GSE1: variants seen among roughly 807,000 people sequenced by gnomAD.
GSE1 encodes Gse1 coiled-coil protein.
Under a neutral mutation model 112.6 loss-of-function variants are expected in GSE1, and 32 were observed. The observed-to-expected ratio is 0.28, with a 90% CI of 0.21 to 0.38. GSE1 has a LOEUF of 0.38. GSE1 is among the 10% of genes least tolerant of loss of function. The probability of loss-of-function intolerance (pLI) is 1.00; values close to 1 mark genes in which losing one functional copy is unlikely to be tolerated. For synonymous variants in GSE1, 1,115 were observed against 735.6 expected (o/e 1.52, Z -8.35); for missense variants, 2,348 against 1,699.2 (o/e 1.38, Z -6.71).
intron 2 of GSE1, among the ~76,000 whole-genome samples, chr16:85,635,274 G>A (rs577352513): frequency 2.6e-5 from 4 of 152,276 alleles, no homozygotes; most frequent in Non-Finnish European, 5.9e-5. Flanking sequence ...GAGGCCCGTT[G>A]GGGTCTGGTT....
intron 1 of GSE1, among the ~76,000 whole-genome samples, chr16:85,205,810 G>C (rs2075104885): frequency 6.6e-6 from 1 of 152,230 alleles, no homozygotes; most frequent in Non-Finnish European, 1.5e-5. Context: ...TTTGAACTGA[G>C]CCCTGGATGA....
intron 1 of GSE1, among the ~76,000 whole-genome samples, chr16:85,315,438 G>C (rs1374455175): frequency 1.3e-5 from 2 of 152,176 alleles, no homozygotes; most frequent in African/African-American, 2.4e-5. Context: ...GGTCAGGACT[G>C]GGGATTGGCC....
chr16:85,546,874 G>A lies in GSE1; in HGVS notation c.2465-87040G>A, dbSNP rs550779656. Among the ~76,000 whole-genome samples, 80 of 152,350 alleles carry A rather than the reference G, an allele frequency of 5.3e-4. 1 individual carries two copies. The South Asian group carries it at 0.016, about 30-fold the overall frequency. ...GTGTGCCCAAGGCCAGCAGTTAGAG[G>A]TAGATCCTCAGGAAGGCTGGCGGGC... On this transcript the variant is annotated intron_variant, in intron 2 of 2. Transcript: ENST00000637419.
chr16:85,284,888 T>A (rs2044972044), intron 1 of GSE1: 1 of 152,098 alleles, frequency 6.6e-6, no homozygotes, highest in African/African-American at 2.4e-5. Context: ...GGTATTAGAG[T>A]AGGTCTGTAA....
intron 1 of GSE1, among the ~76,000 whole-genome samples, chr16:85,270,829 G>C (rs555955894): frequency 6.6e-6 from 1 of 152,314 alleles, no homozygotes; most frequent in Admixed American, 6.5e-5. Context: ...AAATGTGCCT[G>C]TCTGGCTCCT....
chr16:85,420,710 C>G (rs1047181644), intron 2 of GSE1, among the ~76,000 whole-genome samples: 14 of 152,230 alleles, frequency 9.2e-5, no homozygotes, highest in African/African-American at 2.7e-4. Context: ...TCAGCACTCT[C>G]AGGGGTGGCT....
At chr16:85,281,239 G>C (rs1225899434) in intron 1 of GSE1, among the ~76,000 whole-genome samples, 1 of 152,082 alleles carries the variant, frequency 6.6e-6, no homozygotes, top group Non-Finnish European at 1.5e-5. Context: ...CCTGTGGCTT[G>C]TCCCAGGTCC....
Position 85,528,415 on chromosome 16 carries a change from G to A in GSE1, c.2465-105499G>A, listed in dbSNP as rs796600699. ...AAGCTTCAACTTCCTGGGCTCATGG[G>A]ATCCTCCCACCTCAGCCTCCCGGGT... is the stretch of plus-strand genomic sequence containing the variant. On this transcript the variant is annotated intron_variant, in intron 2 of 2. Coordinates refer to the GSE1 transcript ENST00000637419. Among the ~76,000 whole-genome samples, 3 of 151,946 alleles carry A rather than the reference G, an allele frequency of 2.0e-5. No individual in the cohort carries two copies. The South Asian group carries it at 6.2e-4, about 32-fold the overall frequency.
chr16:85,339,892 C>T (rs1459533880), intron 1 of GSE1, among the ~76,000 whole-genome samples: 2 of 152,186 alleles, frequency 1.3e-5, no homozygotes, highest in Admixed American at 6.5e-5. Flanking sequence ...GGATCTTTCC[C>T]TGTCTTACTC....
chr16:85,336,321 C>T (rs1266693930), intron 1 of GSE1, among the ~76,000 whole-genome samples: 1 of 152,206 alleles, frequency 6.6e-6, no homozygotes, highest in African/African-American at 2.4e-5. Context: ...TGAAGCCTGG[C>T]ACTGAGCCAG....
chr16:85,365,824 C>T (rs8057928), intron 2 of GSE1, among the ~76,000 whole-genome samples: 67,198 of 152,060 alleles, frequency 0.44, 15,456 homozygotes, highest in East Asian at 0.6. Flanking sequence ...AGTGTGCATA[C>T]CTGGACTCCC....
At chr16:85,518,366 G>T (rs977159484) in intron 2 of GSE1, among the ~76,000 whole-genome samples, 3 of 152,292 alleles carry the variant, frequency 2.0e-5, no homozygotes, top group Admixed American at 1.3e-4. Context: ...CCCTGACCGC[G>T]TGGCCGGAAC....
At chr16:85,233,343 GTCACCAAAA>G (rs1160049866) in intron 1 of GSE1, among the ~76,000 whole-genome samples, 1 of 152,218 alleles carries the variant, frequency 6.6e-6, no homozygotes, top group Non-Finnish European at 1.5e-5. Flanking sequence ...TGACAGAATT[GTCACCAAAA>G]TCAAGGGTAC....
chr16:85,620,842 G>A (rs527453939), intron 1 of GSE1, among the ~76,000 whole-genome samples: 4 of 151,848 alleles, frequency 2.6e-5, no homozygotes, highest in Middle Eastern at 3.4e-3. Context: ...CGTGTAGATG[G>A]TCTTGGCCAT....
At chr16:85,331,529 G>GTGTA (rs2046358231) in intron 1 of GSE1, among the ~76,000 whole-genome samples, 11 of 41,774 alleles carry the variant, frequency 2.6e-4, no homozygotes, top group Admixed American at 3.5e-4. Flanking sequence ...GTATATATGT[G>GTGTA]TATATGTGTA....
chr16:85,658,950 C>T (rs2151946421), intron 8 of GSE1, among the ~76,000 whole-genome samples: 1 of 152,360 alleles, frequency 6.6e-6, no homozygotes, highest in South Asian at 2.1e-4. Context: ...CGGTGGTTCC[C>T]CTGTGGCCGG....
chr16:85,319,736 T>G (rs1052823452), intron 1 of GSE1, among the ~76,000 whole-genome samples: 1 of 152,254 alleles, frequency 6.6e-6, no homozygotes, highest in Non-Finnish European at 1.5e-5. Context: ...ATTTGCAGAT[T>G]CTGCCTCGTA....
chr16:85,328,795 GTCCCCGCCCCGGGGCC>G (rs146538340), intron 1 of GSE1, among the ~76,000 whole-genome samples: 129,350 of 150,582 alleles, frequency 0.86, 55,322 homozygotes, highest in East Asian at 1. Flanking sequence ...GCGGCTGGGC[GTCCCCGCCCCGGGGCC>G]TCCCCGCCCC....
At chr16:85,235,519 T>C (rs1904526625) in intron 1 of GSE1, among the ~76,000 whole-genome samples, 1 of 144,412 alleles carries the variant, frequency 6.9e-6, no homozygotes, top group African/African-American at 2.6e-5. Flanking sequence ...CAGAGAGGTC[T>C]TTCCTGGCCA....
Sources: allele counts gnomAD v4.1 joint callset (sites outside exome capture counted in the v4.1 genomes callset), GRCh38; gene constraint gnomAD v4.1.1; transcripts MANE v1.5; gene names NCBI Gene and HGNC (gene_info 2026-07-23, HGNC 2026-07-21).